The following L3MBTL4 variants were observed in gnomAD, a reference collection of about 807,000 sequenced individuals.
L3MBTL4 encodes L3MBTL histone methyl-lysine binding protein 4.
A neutral mutation model predicts 84.5 loss-of-function variants in L3MBTL4; 70 were observed. The ratio of observed to expected loss-of-function variants is 0.83; its 90% CI spans 0.68 to 1.01. The LOEUF (loss-of-function observed/expected upper bound fraction) is 1.01. Ranked by LOEUF, L3MBTL4 falls within the 50% of genes least tolerant of loss-of-function variation. The pLI is 0.00. For synonymous variants in L3MBTL4, 274 were observed against 259.8 expected (o/e 1.05, Z -0.52); for missense variants, 715 against 754.8 (o/e 0.95, Z 0.62).
At chr18:6,222,955 TATA>T (rs1439360040) in intron 10 of L3MBTL4, among the ~76,000 whole-genome samples, 4 of 134,862 alleles carry the variant, frequency 3.0e-5, no homozygotes. Flanking sequence ...TCTATTATAA[TATA>T]ATATAATATA....
intron 14 of L3MBTL4, among the ~76,000 whole-genome samples, chr18:6,126,335 T>C (rs1459463999): frequency 6.6e-6 from 1 of 152,156 alleles, no homozygotes; most frequent in Non-Finnish European, 1.5e-5. Flanking sequence ...AGAGAATGAA[T>C]TTTCTTTGTT....
At chr18:6,355,152 G>C (rs1336030718) in intron 1 of L3MBTL4, among the ~76,000 whole-genome samples, 1 of 152,176 alleles carries the variant, frequency 6.6e-6, no homozygotes, top group Non-Finnish European at 1.5e-5. Flanking sequence ...AGAACTGGAA[G>C]TCACTATGCT....
At chr18:5,969,849 T>A (rs1474474302) in intron 16 of L3MBTL4, among the ~76,000 whole-genome samples, 1 of 152,184 alleles carries the variant, frequency 6.6e-6, no homozygotes, top group Non-Finnish European at 1.5e-5. Flanking sequence ...AATGAAGGGC[T>A]CGCTTGTCAC....
At chr18:6,040,915 T>C (rs962675005) in intron 16 of L3MBTL4, among the ~76,000 whole-genome samples, 1 of 146,264 alleles carries the variant, frequency 6.8e-6, no homozygotes, top group African/African-American at 2.6e-5. Context: ...ACATAATTTC[T>C]ATAAAATTTG....
chr18:5,999,953 C>T (rs1185654921), intron 16 of L3MBTL4, among the ~76,000 whole-genome samples: 1 of 152,078 alleles, frequency 6.6e-6, no homozygotes, highest in Middle Eastern at 3.2e-3. Context: ...GCCATGTTTG[C>T]AGGAAGCACT....
In L3MBTL4 at chr18:6,093,473, C is replaced by T. The variant is rs369119792; in HGVS notation, c.1255G>A (p.Asp419Asn). 28 of 1,613,754 alleles carry T rather than the reference C, an allele frequency of 1.7e-5. No individual in the cohort carries two copies. The East Asian group carries it at 2.5e-4, about 14-fold the overall frequency. ...GCCTGTGTTTGTTCTCTCAAACGATCGTGAAGTGTTGCCTCCTTTTTCAAG... is the reference window on the plus strand; with the variant it reads ...GCCTGTGTTTGTTCTCTCAAACGATTGTGAAGTGTTGCCTCCTTTTTCAAG... ...MNLKKEATLH[D>N]RLREQTQANL... Residue 419 changes from aspartate to asparagine, a missense_variant, in exon 15 of 19, where the codon GAT becomes AAT. Physicochemically the swap from Asp to Asn is conservative, Grantham distance 23. Coordinates refer to ENST00000317931, the MANE Select transcript of L3MBTL4 (RefSeq NM_001330559.2).
intron 5 of L3MBTL4, among the ~76,000 whole-genome samples, chr18:6,262,524 T>C (rs2048452222): frequency 6.6e-6 from 1 of 152,038 alleles, no homozygotes; most frequent in East Asian, 1.9e-4. Context: ...AACTGTACAG[T>C]TCTTAAACCT....
intron 16 of L3MBTL4, among the ~76,000 whole-genome samples, chr18:6,013,304 A>T (rs529064758): frequency 6.6e-6 from 1 of 152,268 alleles, no homozygotes; most frequent in African/African-American, 2.4e-5. Context: ...TCTCCGTGCC[A>T]GCTCTCTCTC....
intron 16 of L3MBTL4, among the ~76,000 whole-genome samples, chr18:5,992,831 C>T (rs964130526): frequency 2.6e-5 from 4 of 152,232 alleles, no homozygotes; most frequent in African/African-American, 9.6e-5. Flanking sequence ...GTGCCGTCGC[C>T]ATGCTTCCTG....
chr18:6,388,876 A>G (rs55862150), intron 1 of L3MBTL4, among the ~76,000 whole-genome samples: 1,565 of 152,248 alleles, frequency 0.01, 25 homozygotes, highest in African/African-American at 0.035. Context: ...AGGTGTCAAT[A>G]GTACTTAACA....
chr18:6,163,266 G>A (rs949544098), intron 13 of L3MBTL4, among the ~76,000 whole-genome samples: 1 of 96,374 alleles, frequency 1.0e-5, no homozygotes, highest in Admixed American at 1.2e-4. Context: ...GTGTGGGGGG[G>A]GGGTGGGTGT....
At chr18:6,002,426 C>T (rs1598406156) in intron 16 of L3MBTL4, among the ~76,000 whole-genome samples, 1 of 152,042 alleles carries the variant, frequency 6.6e-6, no homozygotes, top group African/African-American at 2.4e-5. Flanking sequence ...AATTTTGGTT[C>T]GTCACTTTGC....
chr18:6,252,086 T>C (rs1481107935), intron 5 of L3MBTL4, among the ~76,000 whole-genome samples: 6 of 152,002 alleles, frequency 3.9e-5, no homozygotes, highest in Admixed American at 1.3e-4. Context: ...CCAAGGTGGG[T>C]GGATCACCTG....
chr18:6,353,626 A>G (rs367670285), intron 1 of L3MBTL4, among the ~76,000 whole-genome samples: 2 of 152,190 alleles, frequency 1.3e-5, no homozygotes, highest in African/African-American at 4.8e-5. Context: ...AAAAATCAGT[A>G]GCATTTCTAT....
intron 5 of L3MBTL4, among the ~76,000 whole-genome samples, chr18:6,255,700 C>CT (rs1261316391): frequency 6.6e-6 from 1 of 150,704 alleles, no homozygotes; most frequent in African/African-American, 2.4e-5. Flanking sequence ...TCAAAAAATG[C>CT]TTTTTTTCCC....
chr18:6,413,538 C>T (rs1014930476), intron 1 of L3MBTL4, among the ~76,000 whole-genome samples: 1 of 152,176 alleles, frequency 6.6e-6, no homozygotes, highest in Non-Finnish European at 1.5e-5. Context: ...CTGTACCCAC[C>T]ACCTGTTTGT....
At chr18:6,219,596 G>A (rs924057895) in intron 10 of L3MBTL4, among the ~76,000 whole-genome samples, 9 of 150,624 alleles carry the variant, frequency 6.0e-5, no homozygotes, top group South Asian at 2.1e-4. Context: ...CTAGGGCGTC[G>A]GCCACTCAGC....
intron 16 of L3MBTL4, among the ~76,000 whole-genome samples, chr18:6,070,309 T>C (rs570208361): frequency 6.6e-6 from 1 of 152,054 alleles, no homozygotes; most frequent in South Asian, 2.1e-4. Context: ...TGTGACACAC[T>C]CCAAGACATA....
At chr18:6,367,343 G>A (rs1007818584) in intron 1 of L3MBTL4, 15 of 152,170 alleles carry the variant, frequency 9.9e-5, no homozygotes, top group African/African-American at 2.9e-4. Flanking sequence ...ATAAACTCTT[G>A]CCGAAGGCCT....
Sources: gnomAD v4.1 joint callset for allele counts (sites outside exome capture counted in the v4.1 genomes callset) on GRCh38, gnomAD v4.1.1 for gene constraint, MANE v1.5 for transcripts, NCBI Gene and HGNC (gene_info 2026-07-23, HGNC 2026-07-21) for gene names.